Variants in CELF2 observed in about 807,000 individuals in gnomAD.
CELF2 encodes the protein CUGBP Elav-like family member 2.
Under a neutral mutation model 62.6 loss-of-function variants are expected in CELF2, and 8 were observed. That is an observed-to-expected ratio of 0.13 (90% CI 0.07 to 0.23). CELF2 has a LOEUF of 0.23. Among genes scored for constraint, CELF2 ranks in the 10% least tolerant of loss-of-function variants. The pLI, the probability that CELF2 is intolerant of heterozygous loss-of-function variation, is 1.00. For missense variants in CELF2, 333 were observed against 671.0 expected (o/e 0.50, Z 5.56); for synonymous variants, 258 against 250.0 (o/e 1.03, Z -0.30).
At chr10:11,206,473 A>G (rs1187837604) in intron 2 of CELF2, among the ~76,000 whole-genome samples, 2 of 152,238 alleles carry the variant, frequency 1.3e-5, no homozygotes, top group African/African-American at 4.8e-5. Context: ...TGGATTCAAG[A>G]CAGAACTACC....
At chr10:11,253,245 C>T (rs2077666966) in intron 4 of CELF2, among the ~76,000 whole-genome samples, 1 of 152,294 alleles carries the variant, frequency 6.6e-6, no homozygotes, top group Middle Eastern at 3.4e-3. Flanking sequence ...ACCCTCCAAC[C>T]TCACAATTTG....
At chr10:10,902,499 A>G (rs560243599) in intron 1 of CELF2, among the ~76,000 whole-genome samples, 1 of 152,240 alleles carries the variant, frequency 6.6e-6, no homozygotes, top group South Asian at 2.1e-4. Flanking sequence ...GGCCAAAAAC[A>G]TGGATACATA....
intron 1 of CELF2, among the ~76,000 whole-genome samples, chr10:11,065,443 A>G (rs899918829): frequency 2.0e-5 from 3 of 152,178 alleles, no homozygotes; most frequent in Admixed American, 6.5e-5. Flanking sequence ...GTAGAAATAA[A>G]TGCGGTACAC....
intron 2 of CELF2, among the ~76,000 whole-genome samples, chr10:11,180,174 C>G (rs796238402): frequency 6.6e-6 from 1 of 152,170 alleles, no homozygotes; most frequent in Non-Finnish European, 1.5e-5. Flanking sequence ...TTCCTGGTTT[C>G]GGTGAATCTC....
chr10:11,168,424 C>T (rs192249286), intron 2 of CELF2, among the ~76,000 whole-genome samples: 5 of 152,284 alleles, frequency 3.3e-5, no homozygotes, highest in Admixed American at 2.6e-4. Context: ...AGCCCTTAGC[C>T]GCTTACCTAG....
rs568305911 is a variant in CELF2, at chr10:11,117,267, G to A, written c.75-48219G>A. Among the ~76,000 whole-genome samples, 3 of 152,298 alleles carry A rather than the reference G, an allele frequency of 2.0e-5. No individual in the cohort carries two copies. Among genetic ancestry groups the A allele is most frequent in the South Asian group, 4.1e-4 (2 of 4,824 alleles). The stretch of plus-strand genomic sequence containing the variant: ...CTTAGAAGAACTGGCTTTGAATTCC[G>A]ACATTTACTGGCTGTGTGGCTTTGG... On this transcript the variant is annotated intron_variant, in intron 1 of 12. Transcript: ENST00000633077. This position sits in a 1 kb window ranked among gnomAD's most constrained non-coding sequence, Gnocchi z 4.1.
chr10:10,551,714 C>T, the CELF2 span, among the ~76,000 whole-genome samples: 1 of 152,092 alleles, frequency 6.6e-6, no homozygotes. Context: ...ATCCAGGGCT[C>T]CCCGACAACT....
At position 10,990,487 on chromosome 10, in the gene CELF2, CAATA is replaced by C. The variant is rs2053303531; in HGVS notation, c.89+70491_89+70494del. Among the ~76,000 whole-genome samples the C allele has an allele frequency of 6.6e-6, 1 of 152,004 alleles. No individual in the cohort carries two copies. The highest frequency in any genetic ancestry group is 2.4e-5 in the African/African-American group (1 of 41,424). On this transcript the variant is annotated intron_variant, in intron 2 of 13. Transcript: ENST00000636488. This position sits in a 1 kb window ranked among gnomAD's most constrained non-coding sequence, Gnocchi z 4.6. Reference sequence around the variant, plus strand: ...GAATTGCTTTTGTAATCATTAAAAACAATAAACGTTATTTTTAAGAGAATCATGT... The same window carrying C: ...GAATTGCTTTTGTAATCATTAAAAACAACGTTATTTTTAAGAGAATCATGT...
At chr10:10,895,406 A>G (rs1366245531) in intron 1 of CELF2, among the ~76,000 whole-genome samples, 2 of 152,330 alleles carry the variant, frequency 1.3e-5, no homozygotes, top group South Asian at 2.1e-4. Flanking sequence ...GAGATTTCCA[A>G]GAAAAATGTA....
chr10:10,783,371 C>A, the CELF2 span, among the ~76,000 whole-genome samples: 2 of 151,994 alleles, frequency 1.3e-5, no homozygotes, highest in African/African-American at 4.8e-5. Flanking sequence ...GAGGGAGAAC[C>A]CACAGAGGAG....
chr10:10,916,656 G>A (rs533909784), intron 1 of CELF2, among the ~76,000 whole-genome samples: 8 of 152,228 alleles, frequency 5.3e-5, no homozygotes, highest in South Asian at 4.2e-4. Flanking sequence ...TCAGTTACCC[G>A]GAGTGGAGTG....
chr10:11,299,429 A>ATGT (rs1207230608), intron 9 of CELF2, among the ~76,000 whole-genome samples: 1 of 151,990 alleles, frequency 6.6e-6, no homozygotes, highest in African/African-American at 2.4e-5. Context: ...CCCAGAAATG[A>ATGT]TGTTCTCTCC....
chr10:10,773,502 A>G, the CELF2 span, among the ~76,000 whole-genome samples: 1 of 152,242 alleles, frequency 6.6e-6, no homozygotes, highest in African/African-American at 2.4e-5. Flanking sequence ...TTTAAAGTTT[A>G]GCATGTTGTA....
chr10:10,953,728 G>C (rs541340862), intron 2 of CELF2, among the ~76,000 whole-genome samples: 1 of 151,616 alleles, frequency 6.6e-6, no homozygotes, highest in Non-Finnish European at 1.5e-5. Flanking sequence ...CCCAAAAGCC[G>C]TAAGAGAAAA....
At chr10:11,250,538 T>G (rs2076831058) in intron 4 of CELF2, among the ~76,000 whole-genome samples, 1 of 152,204 alleles carries the variant, frequency 6.6e-6, no homozygotes, top group South Asian at 2.1e-4. Context: ...ACGCCACTCC[T>G]GTAGTCAGCA....
chr10:11,063,375 C>A (rs2067287993), intron 1 of CELF2, among the ~76,000 whole-genome samples: 1 of 152,182 alleles, frequency 6.6e-6, no homozygotes, highest in South Asian at 2.1e-4. Flanking sequence ...TACTACCAAA[C>A]ATTCATGACT....
rs2082642586 is a variant in CELF2 at position 11,268,028 on chromosome 10, A to G, written c.618+1351A>G. On this transcript the variant is annotated intron_variant, in intron 6 of 12. Coordinates refer to ENST00000633077, the MANE Select transcript of CELF2 (RefSeq NM_001326342.2). This position sits in a 1 kb window ranked among gnomAD's most constrained non-coding sequence, Gnocchi z 4.7. ...AGGCAAGCTCAGGTGAAAATCGGGC[A>G]TGATAGGCGATAATGAGCAGGATTT... is the stretch of plus-strand genomic sequence containing the variant. 6.6e-6 allele frequency among the ~76,000 whole-genome samples: 1 copy of G among 152,176 alleles called. No homozygotes were observed. Among genetic ancestry groups the G allele is most frequent in the Non-Finnish European group, 1.5e-5 (1 of 68,020 alleles).
chr10:11,127,833 T>C (rs550725484), intron 1 of CELF2, among the ~76,000 whole-genome samples: 4 of 152,270 alleles, frequency 2.6e-5, no homozygotes, highest in East Asian at 3.9e-4. Flanking sequence ...CTGTAGGTTG[T>C]CTGTTCACTC....
chr10:10,540,832 T>C, the CELF2 span, among the ~76,000 whole-genome samples: 1 of 152,270 alleles, frequency 6.6e-6, no homozygotes, highest in African/African-American at 2.4e-5. Flanking sequence ...CACTCATACA[T>C]TCTCCACAAC....
Sources: gnomAD v4.1 joint callset for allele counts (sites outside exome capture counted in the v4.1 genomes callset) on GRCh38, gnomAD v4.1.1 for gene constraint, Gnocchi (gnomAD v3.1) non-coding constraint, MANE v1.5 for transcripts, NCBI Gene and HGNC (gene_info 2026-07-23, HGNC 2026-07-21) for gene names.